The following SYTL5 variants were observed in gnomAD, a reference collection of about 807,000 sequenced individuals.
The protein encoded by SYTL5 is synaptotagmin-like protein 5.
In SYTL5, 34 loss-of-function variants were observed where a neutral mutation model predicts 55.9. The observed-to-expected ratio is 0.61, with a 90% CI of 0.46 to 0.81. The LOEUF is 0.81. Ranked by LOEUF, SYTL5 falls within the 30% of genes least tolerant of loss-of-function variation. SYTL5 has a pLI of 0.00. For missense variants in SYTL5, 637 were observed against 546.7 expected (o/e 1.17, Z -1.65); for synonymous variants, 221 against 188.7 (o/e 1.17, Z -1.40).
chrX:38,103,158 T>C (rs912055078), intron 10 of SYTL5: 1 of 787,091 alleles, frequency 1.3e-6, no homozygotes, highest in Non-Finnish European at 1.8e-6. Flanking sequence ...GTCTGGGAAC[T>C]ATGATTAAGC....
chrX:38,003,412 A>G (rs1333576627), upstream of SYTL5, among the ~76,000 whole-genome samples: 2 of 111,698 alleles, frequency 1.8e-5, no homozygotes, highest in East Asian at 2.8e-4. Context: ...AAAAATCACA[A>G]GCATTTTTAT....
chrX:38,095,006 C>T (rs1009164124), intron 8 of SYTL5, among the ~76,000 whole-genome samples: 6 of 111,574 alleles, frequency 5.4e-5, no homozygotes, highest in African/African-American at 9.8e-5. Context: ...GAAAATTCTT[C>T]GGAGAAATTT....
At chrX:38,076,141 G>T (rs1936384304) in intron 5 of SYTL5, among the ~76,000 whole-genome samples, 3 of 112,106 alleles carry the variant, frequency 2.7e-5, no homozygotes, top group African/African-American at 9.7e-5. Flanking sequence ...CAGAGTCACT[G>T]CTCTCATGGA....
chrX:37,991,843 T>G, the SYTL5 span, among the ~76,000 whole-genome samples: 1 of 112,094 alleles, frequency 8.9e-6, no homozygotes, highest in African/African-American at 3.2e-5. Flanking sequence ...CATTTCTTAT[T>G]TCTTTATGCC....
chrX:37,970,756 T>G, the SYTL5 span, among the ~76,000 whole-genome samples: 2 of 112,214 alleles, frequency 1.8e-5, no homozygotes, highest in Non-Finnish European at 3.8e-5. Context: ...ATGGTTAGTT[T>G]TAAGGGTATT....
At chrX:38,110,960 G>T (rs1937343323) in intron 13 of SYTL5, among the ~76,000 whole-genome samples, 1 of 111,187 alleles carries the variant, frequency 9.0e-6, no homozygotes, top group South Asian at 3.8e-4. Context: ...CCTACTTTTG[G>T]GATTCATGAC....
At chrX:38,039,913 C>T (rs80289605) in intron 2 of SYTL5, among the ~76,000 whole-genome samples, 2 of 111,162 alleles carry the variant, frequency 1.8e-5, no homozygotes, top group Admixed American at 9.5e-5. Flanking sequence ...TGGTGGCTCA[C>T]GCCTGTAATC....
chrX:38,072,024 C>T (rs1237312829), intron 3 of SYTL5, 23 bp from the exon 4 acceptor site: 6 of 1,087,743 alleles, frequency 5.5e-6, no homozygotes, highest in Non-Finnish European at 7.6e-6. Flanking sequence ...AATTTCAATG[C>T]TCTTCCCTTT....
rs180767989 is a variant in SYTL5, at chrX:38,037,747, C to T, written c.119+3739C>T. ...AGTTCAGGGTACCTTAACTTTAGCGCAGTGGGTCTGCATGGCAATTAAATT... is the reference window on the plus strand; with the variant it reads ...AGTTCAGGGTACCTTAACTTTAGCGTAGTGGGTCTGCATGGCAATTAAATT... On this transcript the variant is annotated intron_variant, in intron 2 of 16. Transcript: ENST00000297875. Among the ~76,000 whole-genome samples, 1,048 of 110,610 alleles carry T rather than the reference C, an allele frequency of 9.5e-3. 7 individuals are homozygous for T. The highest frequency in any genetic ancestry group is 0.041 in the Middle Eastern group (9 of 218).
intron 13 of SYTL5, among the ~76,000 whole-genome samples, chrX:38,111,083 C>T (rs1937347259): frequency 8.9e-6 from 1 of 111,908 alleles, no homozygotes; most frequent in African/African-American, 3.2e-5. Context: ...CTTTAAGTGA[C>T]TGGAGTCTCT....
chrX:37,930,081 G>C, the SYTL5 span, among the ~76,000 whole-genome samples: 1 of 111,281 alleles, frequency 9.0e-6, no homozygotes, highest in Admixed American at 9.5e-5. Flanking sequence ...AAAAGGGTAA[G>C]GGCACCTATT....
intron 13 of SYTL5, among the ~76,000 whole-genome samples, chrX:38,111,335 G>A: frequency 9.0e-6 from 1 of 111,563 alleles, no homozygotes. Context: ...GTAGCTTATA[G>A]GTCTGCGGTG....
the SYTL5 span, among the ~76,000 whole-genome samples, chrX:37,915,943 A>G: frequency 8.9e-6 from 1 of 111,765 alleles, no homozygotes; most frequent in African/African-American, 3.3e-5. Flanking sequence ...CTAACCTTTC[A>G]TGGAGGGTAG....
chrX:38,072,740 C>CTGAA (rs887740085), intron 4 of SYTL5, among the ~76,000 whole-genome samples: 45 of 111,914 alleles, frequency 4.0e-4, no homozygotes, highest in Admixed American at 9.5e-5. Flanking sequence ...CATAGTCTTA[C>CTGAA]TGAATGAATA....
the SYTL5 span, among the ~76,000 whole-genome samples, chrX:37,921,641 G>T: frequency 9.0e-6 from 1 of 111,455 alleles, no homozygotes; most frequent in Admixed American, 9.5e-5. Context: ...TATAATATGG[G>T]TATGTTACTT....
Position 38,063,880 on chromosome X carries a change from T to C in SYTL5, c.330-8167T>C, listed in dbSNP as rs187054887. Among the ~76,000 whole-genome samples the C allele has an allele frequency of 2.3e-3, 256 of 111,727 alleles. 1 individual carries two copies. The highest frequency in any genetic ancestry group is 7.9e-3 in the African/African-American group (243 of 30,762). On this transcript the variant is annotated intron_variant, in intron 3 of 16. Transcript: ENST00000297875. ...TCTTATACATATGGCCTGACAAACA[T>C]GTATGAGTGTGTACACTCAATGGTG...
upstream of SYTL5, among the ~76,000 whole-genome samples, chrX:38,005,223 G>T (rs1307420914): frequency 9.0e-6 from 1 of 111,486 alleles, no homozygotes; most frequent in Non-Finnish European, 1.9e-5. Flanking sequence ...CTATGGAAAT[G>T]CCAATATTAA....
the SYTL5 span, among the ~76,000 whole-genome samples, chrX:37,893,909 G>A: frequency 0.01 from 1,020 of 100,670 alleles, 10 homozygotes; most frequent in Middle Eastern, 0.026. Context: ...CACAATTCAG[G>A]TTATGGTAGA....
chrX:37,905,946 C>T, the SYTL5 span, among the ~76,000 whole-genome samples: 1 of 113,184 alleles, frequency 8.8e-6, no homozygotes, highest in Admixed American at 9.2e-5. Flanking sequence ...GGTCCTGGTA[C>T]TTGCTGGGGG....
Sources: allele counts gnomAD v4.1 joint callset (sites outside exome capture counted in the v4.1 genomes callset), GRCh38; gene constraint gnomAD v4.1.1; transcripts MANE v1.5; gene names NCBI Gene and HGNC (gene_info 2026-07-23, HGNC 2026-07-21).